MAP1B: variants seen among roughly 807,000 people sequenced by gnomAD.
MAP1B encodes microtubule-associated protein 1B.
A neutral mutation model predicts 176.1 loss-of-function variants in MAP1B; 12 were observed. That is an observed-to-expected ratio of 0.07 (90% confidence interval 0.04 to 0.11). The LOEUF is 0.11. MAP1B is among the 10% of genes least tolerant of loss of function. The pLI is 1.00. For synonymous variants in MAP1B, 1,044 were observed against 1,135.0 expected, an observed-to-expected ratio of 0.92 and a Z score of 1.61; for missense variants, 2,523 against 2,990.5, an observed-to-expected ratio of 0.84 and a Z score of 3.65.
At chr5:72,132,257 A>G (rs183753118) in intron 2 of MAP1B, among the ~76,000 whole-genome samples, 2 of 152,340 alleles carry the variant, frequency 1.3e-5, no homozygotes, top group Admixed American at 1.3e-4. Context: ...AAATTAAAAT[A>G]CGGTGTAAGG....
intron 2 of MAP1B, among the ~76,000 whole-genome samples, chr5:72,167,879 TG>T (rs1244660344): frequency 2.0e-4 from 30 of 152,316 alleles, no homozygotes; most frequent in African/African-American, 7.2e-4. Flanking sequence ...CGGAAGGAAA[TG>T]CAAGTATTTT....
At chr5:72,126,245 A>AT (rs1414340684) in intron 2 of MAP1B, among the ~76,000 whole-genome samples, 1 of 152,184 alleles carries the variant, frequency 6.6e-6, no homozygotes, top group Non-Finnish European at 1.5e-5. Context: ...ATTGTTGCCC[A>AT]TGGTGCTCCC....
In MAP1B at chr5:72,118,369, T is replaced by C. The variant is rs183556247; in HGVS notation, c.286+2570T>C. ...GGAGCAAGATGAAGGATGGATCCCC[T>C]AAAAAAAAATAGAGCCATTTTTCAG... On this transcript the variant is annotated intron_variant, in intron 2 of 6. Coordinates refer to ENST00000296755, the MANE Select transcript of MAP1B (RefSeq NM_005909.5). Among the ~76,000 whole-genome samples, 213 of 150,812 alleles carry C rather than the reference T, an allele frequency of 1.4e-3. 1 individual carries two copies. Among genetic ancestry groups the C allele is most frequent in the African/African-American group, 5.0e-3 (205 of 41,162 alleles).
intron 2 of MAP1B, among the ~76,000 whole-genome samples, chr5:72,130,593 T>C (rs1326838821): frequency 1.3e-5 from 2 of 152,232 alleles, no homozygotes; most frequent in African/African-American, 2.4e-5. Flanking sequence ...GTAAAGTGTT[T>C]ATTTACAAAA....
intron 2 of MAP1B, among the ~76,000 whole-genome samples, chr5:72,116,755 G>A (rs371106172): frequency 1.3e-5 from 2 of 152,076 alleles, no homozygotes; most frequent in African/African-American, 2.4e-5. Context: ...TTACATAAGA[G>A]AAAGCTATTT....
rs76421185 is a variant in MAP1B, at chr5:72,121,844, A to G, written c.286+6045A>G. Among the ~76,000 whole-genome samples, 785 of 152,340 alleles carry G rather than the reference A, an allele frequency of 5.2e-3. 49 individuals carry two copies. In the East Asian group the frequency reaches 0.14, roughly 27 times the overall value. On this transcript the variant is annotated intron_variant, in intron 2 of 6. Coordinates refer to ENST00000296755, the MANE Select transcript of MAP1B (RefSeq NM_005909.5). ...ATGAATGTGTTTTCAGCCCTGCTCC[A>G]ACCTTTAAACAATAAGGCACACAAA... is the stretch of plus-strand genomic sequence containing the variant.
chr5:72,108,436 C>A (rs2112104675), intron 1 of MAP1B, among the ~76,000 whole-genome samples: 1 of 152,324 alleles, frequency 6.6e-6, no homozygotes, highest in Non-Finnish European at 1.5e-5. Context: ...GGGGCTGCTG[C>A]TTTTAGAAGT....
At chr5:72,124,958 A>G (rs1232000892) in intron 2 of MAP1B, among the ~76,000 whole-genome samples, 1 of 152,214 alleles carries the variant, frequency 6.6e-6, no homozygotes, top group Non-Finnish European at 1.5e-5. Flanking sequence ...CCTTATTGCA[A>G]TAAAATTAAA....
chr5:72,174,054 C>T lies in MAP1B; in HGVS notation c.287-9689C>T, dbSNP rs117984129. ...CTGAGGTGAAAGAATCACTTCAGCCCGGGAGGTTAAGGCTGCAGTGAGCCA... is the reference window on the plus strand; with the variant it reads ...CTGAGGTGAAAGAATCACTTCAGCCTGGGAGGTTAAGGCTGCAGTGAGCCA... On this transcript the variant is annotated intron_variant, in intron 2 of 6. Coordinates refer to ENST00000296755, the MANE Select transcript of MAP1B (RefSeq NM_005909.5). Among the ~76,000 whole-genome samples, 1,526 of 152,258 alleles carry T rather than the reference C, an allele frequency of 0.01. 64 individuals are homozygous for T. In the East Asian group the frequency reaches 0.12, roughly 12 times the overall value.
chr5:72,157,931 C>T (rs532487908), intron 2 of MAP1B, among the ~76,000 whole-genome samples: 1 of 152,236 alleles, frequency 6.6e-6, no homozygotes, highest in Admixed American at 6.5e-5. Flanking sequence ...CCTCAGCCTC[C>T]CGGGTCCAAG....
At chr5:72,184,166 C>T (rs1746840307) in intron 3 of MAP1B, among the ~76,000 whole-genome samples, 1 of 152,130 alleles carries the variant, frequency 6.6e-6, no homozygotes, top group South Asian at 2.1e-4. Context: ...AGACGCAAGC[C>T]CTCAGGCCGC....
chr5:72,197,047 T>C lies in MAP1B; in HGVS notation c.3692T>C (p.Val1231Ala), dbSNP rs201110996. Reference protein sequence around the residue: ...SALRDAYCSEVKASTTLDIKD... With the variant: ...SALRDAYCSEAKASTTLDIKD... ...TTACGTGATGCTTACTGCTCTGAAGTGAAAGCCAGCACCACTTTGGACATC... is the reference window on the plus strand; with the variant it reads ...TTACGTGATGCTTACTGCTCTGAAGCGAAAGCCAGCACCACTTTGGACATC... The change falls in exon 5 of 7, where the codon GTG becomes GCG. Residue 1231 changes from valine (V) to alanine (A), a missense_variant. Physicochemically the swap from Val to Ala is moderately conservative, Grantham distance 64. This residue lies in a region of MAP1B where 1,925 missense variants were observed against 2,126.0 expected (regional missense o/e 0.91). Coordinates refer to ENST00000296755, the MANE Select transcript of MAP1B (RefSeq NM_005909.5). 105 of 1,614,076 alleles carry C rather than the reference T, an allele frequency of 6.5e-5. No homozygotes were observed. Among genetic ancestry groups the C allele is most frequent in the Non-Finnish European group, 8.5e-5 (100 of 1,180,048 alleles).
chr5:72,152,224 C>A (rs1026984891), intron 2 of MAP1B, among the ~76,000 whole-genome samples: 1 of 151,906 alleles, frequency 6.6e-6, no homozygotes, highest in Non-Finnish European at 1.5e-5. Flanking sequence ...TTTTTTTTTA[C>A]GTAAAAAGTA....
At chr5:72,189,179 C>T (rs1455870564) in intron 4 of MAP1B, among the ~76,000 whole-genome samples, 1 of 152,086 alleles carries the variant, frequency 6.6e-6, no homozygotes, top group African/African-American at 2.4e-5. Context: ...AAAAATAGAA[C>T]TATCAGTACA....
rs1208232037 is a variant in MAP1B, at chr5:72,205,114, G to A, written c.7282G>A (p.Val2428Met). The A allele has an allele frequency of 3.7e-6, 6 of 1,613,398 alleles. No homozygotes were observed. The highest frequency in any genetic ancestry group is 5.1e-6 in the Non-Finnish European group (6 of 1,179,930). ...ACTGATCCCAACTCATGACTCAGAA[G>A]TGATGAGGGAATGGTACCAGGAGAC... ...VTLIPTHDSE[V>M]MREWYQETHE... Residue 2428 changes from valine (V) to methionine (M), a missense_variant, in exon 7 of 7, where the codon GTG becomes ATG. Physicochemically the swap from Val to Met is conservative, Grantham distance 21. Around this residue, in one of 4 missense-constraint regions of MAP1B, gnomAD observed 287 missense variants for 401.5 expected, o/e 0.71. Transcript: ENST00000296755.
Position 72,195,831 on chromosome 5 carries a change from G to C in MAP1B, c.2476G>C (p.Glu826Gln), listed in dbSNP as rs1394835203. 1 of 1,614,234 alleles carries C rather than the reference G, an allele frequency of 6.2e-7. No individual in the cohort carries two copies. The highest frequency in any genetic ancestry group is 2.2e-5 in the East Asian group (1 of 44,880). ...TGGCCCTGCCAAAGAACTCGAAGCT[G>C]AGAGGTCCCTTATGTCATCTCCTGA... ...AIGPAKELEA[E>Q]RSLMSSPEDL... Residue 826 changes from glutamate (E) to glutamine (Q), a missense_variant, in exon 5 of 7, where the codon GAG becomes CAG. By Grantham distance (29) the Glu-to-Gln change is conservative. Transcript: ENST00000296755.
At position 72,205,149 on chromosome 5, in the gene MAP1B, A is replaced by G. The variant is rs1747419941; in HGVS notation, c.7317A>G (p.Lys2439=). 1 of 1,613,866 alleles carries G rather than the reference A, an allele frequency of 6.2e-7. No homozygotes were observed. The highest frequency in any genetic ancestry group is 1.3e-5 in the African/African-American group (1 of 74,884). ...MREWYQETHE[K]QQDLNIMVLA... is the part of the protein sequence containing the mutation. ...AATGGTACCAGGAGACCCATGAGAA[A>G]CAGCAAGATCTCAACATCATGGTTT... The change falls in exon 7 of 7, where the codon AAA becomes AAG. Residue 2439 remains lysine (K), a synonymous_variant. Transcript: ENST00000296755.
chr5:72,159,333 G>T (rs1197290161), intron 2 of MAP1B, among the ~76,000 whole-genome samples: 3 of 152,194 alleles, frequency 2.0e-5, no homozygotes, highest in African/African-American at 7.2e-5. Context: ...CTACTCTGTT[G>T]TCCCTACATT....
In MAP1B at chr5:72,206,151, T is replaced by C. The variant is rs182267638; in HGVS notation, c.*912T>C. The C allele has an allele frequency of 1.5e-4, 23 of 152,738 alleles. No individual in the cohort carries two copies. Among genetic ancestry groups the C allele is most frequent in the African/African-American group, 5.3e-4 (22 of 41,556 alleles). 9.5% of individuals were successfully genotyped at this position (152,738 alleles called of 1,614,324 possible). A position where few individuals can be genotyped will look rare whatever the true frequency, so the allele number is the denominator to read the frequency against. ...TTAACTGAAGCAAATACCAAAGCAG[T>C]TGGGAGTACATATGGTAGACAATTT... On this transcript the variant is annotated 3_prime_UTR_variant, in exon 7 of 7. Transcript: ENST00000296755.
Sources: gnomAD v4.1 joint callset for allele counts (sites outside exome capture counted in the v4.1 genomes callset) on GRCh38, gnomAD v4.1.1 for gene constraint, gnomAD v4.1.1 regional missense constraint, MANE v1.5 for transcripts, NCBI Gene and HGNC (gene_info 2026-07-23, HGNC 2026-07-21) for gene names.